The following ASB7 variants were observed in gnomAD, a reference collection of about 807,000 sequenced individuals.
ASB7 encodes the protein ankyrin repeat and SOCS box protein 7.
Under a neutral mutation model 32.5 loss-of-function variants are expected in ASB7, and 4 were observed. The ratio of observed to expected loss-of-function variants is 0.12; its 90% confidence interval spans 0.06 to 0.28. ASB7 has a LOEUF of 0.28. Ranked by LOEUF, ASB7 falls within the 10% of genes least tolerant of loss-of-function variation. ASB7 has a pLI of 1.00. For synonymous variants in ASB7, 172 were observed against 155.6 expected, an observed-to-expected ratio of 1.11 and a Z score of -0.78; for missense variants, 181 against 407.1, an observed-to-expected ratio of 0.44 and a Z score of 4.78.
intron 4 of ASB7, among the ~76,000 whole-genome samples, chr15:100,620,278 T>C (rs916915306): frequency 2.6e-5 from 4 of 152,254 alleles, no homozygotes; most frequent in African/African-American, 9.6e-5. Flanking sequence ...TAATACTGTA[T>C]TGTTTTTTAA....
At chr15:100,638,308 T>A (rs1241039462) in intron 5 of ASB7, 1 of 152,248 alleles carries the variant, frequency 6.6e-6, no homozygotes, top group Non-Finnish European at 1.5e-5. Context: ...TCATATTTAC[T>A]ACGTAGGCTC....
At chr15:100,617,703 A>C (rs2039755476) in intron 4 of ASB7, among the ~76,000 whole-genome samples, 1 of 152,170 alleles carries the variant, frequency 6.6e-6, no homozygotes, top group South Asian at 2.1e-4. Context: ...TTTTATTATT[A>C]CAGCTATCAT....
intron 4 of ASB7, among the ~76,000 whole-genome samples, chr15:100,627,819 A>G (rs2039852126): frequency 6.6e-6 from 1 of 152,132 alleles, no homozygotes; most frequent in South Asian, 2.1e-4. Context: ...ATTAGAAATG[A>G]CCTCTGGCAA....
intron 4 of ASB7, among the ~76,000 whole-genome samples, chr15:100,616,977 G>A (rs544009161): frequency 5.3e-5 from 8 of 152,316 alleles, no homozygotes; most frequent in Admixed American, 2.6e-4. Flanking sequence ...GTTCATTCTA[G>A]TAAGTGTCAC....
At chr15:100,618,622 G>T (rs903578159) in intron 4 of ASB7, among the ~76,000 whole-genome samples, 40 of 150,182 alleles carry the variant, frequency 2.7e-4, no homozygotes, top group Non-Finnish European at 5.3e-4. Flanking sequence ...CTGTGTGTGT[G>T]GTGTGTGTGT....
At chr15:100,609,347 T>C (rs535022891) in intron 2 of ASB7, among the ~76,000 whole-genome samples, 7 of 152,358 alleles carry the variant, frequency 4.6e-5, no homozygotes, top group African/African-American at 1.4e-4. Context: ...AGGTGACTTA[T>C]GGTGTCGGTT....
At chr15:100,611,741 A>G (rs1596998460) in intron 3 of ASB7, among the ~76,000 whole-genome samples, 1 of 151,648 alleles carries the variant, frequency 6.6e-6, no homozygotes, top group South Asian at 2.1e-4. Flanking sequence ...TGGCCTCCCA[A>G]AGTGCTAAGA....
chr15:100,648,164 G>A (rs538499389), intron 5 of ASB7, among the ~76,000 whole-genome samples, 159 bp from the exon 6 acceptor site: 5 of 152,290 alleles, frequency 3.3e-5, no homozygotes, highest in Admixed American at 1.3e-4. Flanking sequence ...ATAAGGCATC[G>A]CATGAAGGTC....
At chr15:100,639,136 A>G (rs868427323) in intron 5 of ASB7, among the ~76,000 whole-genome samples, 2 of 152,146 alleles carry the variant, frequency 1.3e-5, no homozygotes, top group Admixed American at 1.3e-4. Flanking sequence ...TTTGATTTGT[A>G]TGTTTTAAGG....
intron 5 of ASB7, among the ~76,000 whole-genome samples, chr15:100,640,055 G>A (rs2039950070): frequency 6.6e-6 from 1 of 152,214 alleles, no homozygotes; most frequent in Non-Finnish European, 1.5e-5. Flanking sequence ...AGTAAGATTT[G>A]TTTAGCACAT....
intron 4 of ASB7, among the ~76,000 whole-genome samples, chr15:100,626,555 A>G (rs1367178853): frequency 6.6e-6 from 1 of 152,302 alleles, no homozygotes; most frequent in South Asian, 2.1e-4. Context: ...CATTTCACAT[A>G]CGACCCAGCA....
intron 5 of ASB7, among the ~76,000 whole-genome samples, chr15:100,638,124 T>C (rs1430021296): frequency 6.6e-6 from 1 of 152,088 alleles, no homozygotes; most frequent in Non-Finnish European, 1.5e-5. Flanking sequence ...TGCAAGGGGG[T>C]CCTAAAACTA....
chr15:100,645,633 T>C (rs890986212), intron 5 of ASB7: 17 of 1,001,544 alleles, frequency 1.7e-5, no homozygotes, highest in Non-Finnish European at 2.7e-5. Flanking sequence ...GGAGACCGTT[T>C]TACTGATGTC....
At chr15:100,609,252 A>G (rs1321864101) in intron 2 of ASB7, among the ~76,000 whole-genome samples, 1 of 152,184 alleles carries the variant, frequency 6.6e-6, no homozygotes, top group African/African-American at 2.4e-5. Context: ...GTCTCCTTTT[A>G]GTTGTCATAG....
At chr15:100,645,679 G>T in intron 5 of ASB7, 1 of 1,490,372 alleles carries the variant, frequency 6.7e-7, no homozygotes, top group Non-Finnish European at 9.4e-7. Context: ...ACGGCAACAC[G>T]AAAGAACCAT....
intron 5 of ASB7, among the ~76,000 whole-genome samples, chr15:100,634,939 TG>T (rs1455951974): frequency 6.6e-6 from 1 of 152,212 alleles, no homozygotes; most frequent in Non-Finnish European, 1.5e-5. Context: ...TCCTGGAGAA[TG>T]CCCCCTGGAA....
Position 100,629,473 on chromosome 15 carries a change from C to T in ASB7, c.248C>T (p.Thr83Met), listed in dbSNP as rs2039867135. Residue 83 changes from threonine (T) to methionine (M), a missense_variant, in exon 5 of 6, where the codon ACG becomes ATG. Coordinates refer to ENST00000332783, the MANE Select transcript of ASB7 (RefSeq NM_198243.3). The surrounding 1 kb of genome is among the most constrained non-coding windows in gnomAD (Gnocchi z 6.8). ...GTTAAAGACTTAATCGGAGGCTTCA[C>T]GGCTCTTCACTATGCAGCCATGCAT... ...PTVKDLIGGFTALHYAAMHGR... is the reference protein window; with the variant it reads ...PTVKDLIGGFMALHYAAMHGR... The T allele has an allele frequency of 1.2e-6, 2 of 1,613,854 alleles. No homozygotes were observed. The highest frequency in any genetic ancestry group is 1.3e-5 in the African/African-American group (1 of 74,928).
rs74800763 is a variant in ASB7 at position 100,608,137 on chromosome 15, C to T, written c.-173-1570C>T. On this transcript the variant is annotated intron_variant, in intron 2 of 5. Transcript: ENST00000332783. Reference sequence around the variant, plus strand: ...TCACTCTTGAAATGTAGATGTAGCTCGTGAAAAGTGGTGGCATATTCATTT... The same window carrying T: ...TCACTCTTGAAATGTAGATGTAGCTTGTGAAAAGTGGTGGCATATTCATTT... 3.3e-4 allele frequency among the ~76,000 whole-genome samples: 50 copies of T among 152,212 alleles called. No individual in the cohort carries two copies. The East Asian group carries it at 5.4e-3, about 16-fold the overall frequency.
intron 5 of ASB7, chr15:100,646,177 G>T: frequency 2.5e-6 from 1 of 405,650 alleles, no homozygotes. Flanking sequence ...CTGATCCATA[G>T]AGCCACTCAA....
Sources: allele counts gnomAD v4.1 joint callset (sites outside exome capture counted in the v4.1 genomes callset), GRCh38; gene constraint gnomAD v4.1.1; non-coding constraint Gnocchi (gnomAD v3.1); transcripts MANE v1.5; gene names NCBI Gene and HGNC (gene_info 2026-07-23, HGNC 2026-07-21).